CDH12: variants seen among roughly 807,000 people sequenced by gnomAD.
The protein encoded by CDH12 is cadherin-12.
A neutral mutation model predicts 74.1 loss-of-function variants in CDH12; 41 were observed. That is an observed-to-expected ratio of 0.55 (90% CI 0.43 to 0.72). The LOEUF (loss-of-function observed/expected upper bound fraction) is 0.72. Among genes scored for constraint, CDH12 ranks in the 30% least tolerant of loss-of-function variants. CDH12 has a pLI of 0.00. For missense variants in CDH12, 945 were observed against 977.2 expected, an observed-to-expected ratio of 0.97 and a Z score of 0.44; for synonymous variants, 399 against 355.0, an observed-to-expected ratio of 1.12 and a Z score of -1.39.
chr5:21,977,802 G>C (rs771627326), intron 5 of CDH12, among the ~76,000 whole-genome samples: 2 of 152,086 alleles, frequency 1.3e-5, no homozygotes, highest in Non-Finnish European at 2.9e-5. Flanking sequence ...GGGAAAATAC[G>C]TTAAAAGGTT....
intron 1 of CDH12, among the ~76,000 whole-genome samples, chr5:22,564,222 G>A (rs1010666051): frequency 1.3e-5 from 2 of 152,048 alleles, no homozygotes; most frequent in African/African-American, 2.4e-5. Flanking sequence ...GTGTCATATC[G>A]TACATACTTT....
chr5:22,719,794 A>T (rs888189593), intron 1 of CDH12, among the ~76,000 whole-genome samples: 1 of 152,166 alleles, frequency 6.6e-6, no homozygotes, highest in Non-Finnish European at 1.5e-5. Flanking sequence ...GTTTCCAAAA[A>T]GATCTTTGAT....
chr5:22,508,813 T>C (rs1015754358), intron 1 of CDH12, among the ~76,000 whole-genome samples: 4 of 152,102 alleles, frequency 2.6e-5, no homozygotes, highest in African/African-American at 7.2e-5. Context: ...ATGTCTTACA[T>C]GTATTTGATT....
At chr5:22,550,468 T>A (rs1362566476) in intron 1 of CDH12, among the ~76,000 whole-genome samples, 1 of 152,186 alleles carries the variant, frequency 6.6e-6, no homozygotes, top group Non-Finnish European at 1.5e-5. Flanking sequence ...TTAACTCCAT[T>A]GTTTGTCAAG....
chr5:22,667,486 G>A (rs954546688), intron 1 of CDH12, among the ~76,000 whole-genome samples: 2 of 152,132 alleles, frequency 1.3e-5, no homozygotes, highest in African/African-American at 4.8e-5. Context: ...TAAATAGTAT[G>A]GAATGAGCAG....
chr5:22,602,471 T>A (rs1305610452), intron 1 of CDH12, among the ~76,000 whole-genome samples: 1 of 152,146 alleles, frequency 6.6e-6, no homozygotes, highest in African/African-American at 2.4e-5. Context: ...TGTTGTTTTA[T>A]CATTTCCTCC....
intron 2 of CDH12, among the ~76,000 whole-genome samples, chr5:22,439,756 T>C (rs1425167552): frequency 1.3e-5 from 2 of 152,042 alleles, no homozygotes; most frequent in African/African-American, 2.4e-5. Context: ...AAATCCCCCA[T>C]GAAAAGGTCT....
chr5:22,324,038 T>C (rs1213985880), intron 3 of CDH12, among the ~76,000 whole-genome samples: 1 of 152,166 alleles, frequency 6.6e-6, no homozygotes, highest in Admixed American at 6.5e-5. Flanking sequence ...ATATTAAATG[T>C]TTTTTGTTTG....
In CDH12 at chr5:21,751,755, G is replaced by T. The variant is rs949474985; in HGVS notation, c.2367C>A (p.Asn789Lys). The change falls in exon 15 of 15, where the codon AAC (asparagine) becomes AAA (lysine). Residue 789 changes from asparagine to lysine, a missense_variant. Around this residue, in one of 3 missense-constraint regions of CDH12, gnomAD observed 791 missense variants for 792.8 expected, o/e 1.00. Coordinates refer to ENST00000382254, the MANE Select transcript of CDH12 (RefSeq NM_004061.5). ...ADMFGEEESY[N>K]PDKVT ...GACTCCCTTAAGTGACTTTATCAGG[G>T]TTATAACTCTCTTCTTCGCCAAACA... 4 of 1,613,432 alleles carry T rather than the reference G, an allele frequency of 2.5e-6. No homozygotes were observed. The highest frequency in any genetic ancestry group is 2.7e-5 in the African/African-American group (2 of 74,834).
intron 7 of CDH12, among the ~76,000 whole-genome samples, chr5:21,851,305 G>T (rs1274865491): frequency 6.6e-6 from 1 of 150,776 alleles, no homozygotes; most frequent in African/African-American, 2.4e-5. Flanking sequence ...ACTAATATTT[G>T]TTTTCTTAAA....
intron 3 of CDH12, among the ~76,000 whole-genome samples, chr5:22,220,455 C>T (rs1751973216): frequency 6.6e-6 from 1 of 151,500 alleles, no homozygotes; most frequent in South Asian, 2.1e-4. Flanking sequence ...AGATTACATC[C>T]CAACATAAGC....
chr5:22,241,331 A>AT (rs1752744340), intron 3 of CDH12, among the ~76,000 whole-genome samples: 1 of 152,118 alleles, frequency 6.6e-6, no homozygotes, highest in South Asian at 2.1e-4. Flanking sequence ...AGAACTTCAA[A>AT]TTCAGATATA....
chr5:21,912,358 C>A (rs754245134), intron 6 of CDH12, among the ~76,000 whole-genome samples: 1 of 151,456 alleles, frequency 6.6e-6, no homozygotes, highest in African/African-American at 2.4e-5. Flanking sequence ...TCTTACCCAT[C>A]GCCTTTACAT....
At chr5:22,194,297 TC>T (rs1304206535) in intron 4 of CDH12, among the ~76,000 whole-genome samples, 9 of 114,768 alleles carry the variant, frequency 7.8e-5, no homozygotes, top group African/African-American at 2.4e-4. Context: ...TCTTTACTTT[TC>T]TTTTTCTTTC....
At chr5:21,931,267 G>A (rs183412115) in intron 6 of CDH12, among the ~76,000 whole-genome samples, 4 of 152,066 alleles carry the variant, frequency 2.6e-5, no homozygotes, top group South Asian at 4.2e-4. Flanking sequence ...AAGCTAAGAA[G>A]AGAATAGAAA....
intron 1 of CDH12, among the ~76,000 whole-genome samples, chr5:22,782,347 G>A (rs368696089): frequency 6.6e-6 from 1 of 152,048 alleles, no homozygotes; most frequent in Non-Finnish European, 1.5e-5. Context: ...CTGGATCATG[G>A]GGGTGGTTTC....
chr5:22,559,262 A>T (rs765433160), intron 1 of CDH12, among the ~76,000 whole-genome samples: 4 of 152,106 alleles, frequency 2.6e-5, no homozygotes, highest in Non-Finnish European at 5.9e-5. Context: ...TGAAAATCAA[A>T]GAGAAAAAAT....
intron 4 of CDH12, among the ~76,000 whole-genome samples, chr5:22,081,071 G>A (rs796983770): frequency 4.4e-4 from 67 of 152,120 alleles, no homozygotes; most frequent in African/African-American, 1.5e-3. Flanking sequence ...GAGCCACCTC[G>A]CTTGGCCTCT....
At chr5:22,442,190 T>C (rs1284243853) in intron 2 of CDH12, among the ~76,000 whole-genome samples, 1 of 152,174 alleles carries the variant, frequency 6.6e-6, no homozygotes, top group African/African-American at 2.4e-5. Context: ...ATAGAAATGT[T>C]TGTATTTATA....
Sources: gnomAD v4.1 joint callset for allele counts (sites outside exome capture counted in the v4.1 genomes callset) on GRCh38, gnomAD v4.1.1 for gene constraint, gnomAD v4.1.1 regional missense constraint, MANE v1.5 for transcripts, NCBI Gene and HGNC (gene_info 2026-07-23, HGNC 2026-07-21) for gene names.